The following NPAS3 variants were observed in gnomAD, a reference collection of about 807,000 sequenced individuals.
The protein encoded by NPAS3 is neuronal PAS domain-containing protein 3.
Under a neutral mutation model 73.1 loss-of-function variants are expected in NPAS3, and 14 were observed. The ratio of observed to expected loss-of-function variants is 0.19; its 90% CI spans 0.13 to 0.30. The LOEUF (loss-of-function observed/expected upper bound fraction) is 0.30. NPAS3 is among the 10% of genes least tolerant of loss of function. The pLI, the probability that NPAS3 is intolerant of heterozygous loss-of-function variation, is 1.00. For missense variants in NPAS3, 1,096 were observed against 1,250.0 expected, an observed-to-expected ratio of 0.88 and a Z score of 1.86; for synonymous variants, 620 against 541.5, an observed-to-expected ratio of 1.14 and a Z score of -2.01.
At chr14:33,019,392 A>AT (rs1168956675) in intron 1 of NPAS3, among the ~76,000 whole-genome samples, 1 of 152,142 alleles carries the variant, frequency 6.6e-6, no homozygotes, top group African/African-American at 2.4e-5. Flanking sequence ...TTAAGGCTTC[A>AT]TTTTTTTACC....
At chr14:33,047,080 A>G (rs2040534787) in intron 1 of NPAS3, among the ~76,000 whole-genome samples, 1 of 152,148 alleles carries the variant, frequency 6.6e-6, no homozygotes, top group Non-Finnish European at 1.5e-5. Context: ...AGAGCTGACT[A>G]TACAGAATTG....
intron 5 of NPAS3, among the ~76,000 whole-genome samples, chr14:33,660,025 T>C (rs996642149): frequency 3.3e-5 from 5 of 151,988 alleles, no homozygotes; most frequent in Non-Finnish European, 7.4e-5. Context: ...TTGTTCCACA[T>C]GGAAGAAATG....
chr14:32,987,007 AG>A (rs1299419746), intron 1 of NPAS3, among the ~76,000 whole-genome samples: 1 of 152,100 alleles, frequency 6.6e-6, no homozygotes, highest in Admixed American at 6.6e-5. Context: ...CCGGGAAGAG[AG>A]CGGTGTGCCT....
chr14:33,748,359 A>G (rs540092451), intron 7 of NPAS3, among the ~76,000 whole-genome samples: 1 of 152,176 alleles, frequency 6.6e-6, no homozygotes, highest in Non-Finnish European at 1.5e-5. Flanking sequence ...ATTCTATGAC[A>G]TATTTTTCAT....
At chr14:33,322,176 C>T (rs2043478274) in intron 3 of NPAS3, among the ~76,000 whole-genome samples, 1 of 152,172 alleles carries the variant, frequency 6.6e-6, no homozygotes, top group Non-Finnish European at 1.5e-5. Flanking sequence ...TGGACCAAGA[C>T]TGATGAAAAT....
chr14:33,618,822 T>C (rs1272630033), intron 5 of NPAS3, among the ~76,000 whole-genome samples: 1 of 152,220 alleles, frequency 6.6e-6, no homozygotes, highest in Non-Finnish European at 1.5e-5. Flanking sequence ...AGTTTTCTAG[T>C]AAGTGCAACT....
intron 4 of NPAS3, among the ~76,000 whole-genome samples, chr14:33,558,142 G>A (rs2055450968): frequency 6.6e-6 from 1 of 152,140 alleles, no homozygotes. Flanking sequence ...CTCTTTAGTG[G>A]AACAATATAA....
intron 5 of NPAS3, among the ~76,000 whole-genome samples, chr14:33,572,865 A>G (rs2056275032): frequency 6.6e-6 from 1 of 152,004 alleles, no homozygotes; most frequent in African/African-American, 2.4e-5. Context: ...TCTACTAAAA[A>G]TACAAAAATT....
chr14:33,359,294 G>A lies in NPAS3; in HGVS notation c.386-7892G>A, dbSNP rs116887805. Among the ~76,000 whole-genome samples the A allele has an allele frequency of 4.0e-3, 604 of 152,324 alleles. 1 individual carries two copies. The highest frequency in any genetic ancestry group is 5.4e-3 in the Non-Finnish European group (367 of 68,038). The stretch of plus-strand genomic sequence containing the variant: ...TAGGAAGGCCTAGAGGGTGAATGGA[G>A]CATTAGACTGGAAGTAATAAGGTTG... On this transcript the variant is annotated intron_variant, in intron 3 of 11. Transcript: ENST00000356141.
chr14:33,789,783 G>A (rs924881041), intron 9 of NPAS3, among the ~76,000 whole-genome samples: 9 of 150,678 alleles, frequency 6.0e-5, no homozygotes, highest in Non-Finnish European at 1.5e-5. Context: ...TAGAGACAGG[G>A]TTTCACCGTT....
chr14:33,000,353 G>A (rs1159477798), intron 1 of NPAS3, among the ~76,000 whole-genome samples: 2 of 152,098 alleles, frequency 1.3e-5, no homozygotes, highest in Non-Finnish European at 2.9e-5. Context: ...AGGTTGTTTA[G>A]CCACTGTGTT....
intron 1 of NPAS3, among the ~76,000 whole-genome samples, chr14:32,941,842 T>C (rs898393053): frequency 6.6e-6 from 1 of 152,200 alleles, no homozygotes; most frequent in Admixed American, 6.5e-5. Context: ...AACCGCAAAC[T>C]TGGTCCCTTA....
Position 33,215,163 on chromosome 14 carries a change from C to T in NPAS3, c.141-19C>T, listed in dbSNP as rs2139675709. The T allele has an allele frequency of 6.2e-7, 1 of 1,612,220 alleles. No homozygotes were observed. Among genetic ancestry groups the T allele is most frequent in the Non-Finnish European group, 8.5e-7 (1 of 1,178,668 alleles). ...AGTCACATATTCTAAACCACACATT[C>T]TCACTCCTTTGATTTCAGTTTACAA... On this transcript the variant is annotated intron_variant, in intron 2 of 11. Coordinates refer to ENST00000356141, the Ensembl canonical transcript of NPAS3.
At chr14:32,961,447 A>G (rs996122826) in intron 1 of NPAS3, among the ~76,000 whole-genome samples, 2 of 151,738 alleles carry the variant, frequency 1.3e-5, no homozygotes, top group East Asian at 1.9e-4. Flanking sequence ...TTGAATTCAT[A>G]TCGGATTGTA....
At chr14:33,199,797 T>G (rs1283861051) in intron 2 of NPAS3, among the ~76,000 whole-genome samples, 4 of 151,820 alleles carry the variant, frequency 2.6e-5, no homozygotes, top group African/African-American at 9.7e-5. Flanking sequence ...ACAGTAGGTT[T>G]AATTTCAGTA....
At chr14:33,735,273 A>T in exon 7 of NPAS3, 1 of 1,613,636 alleles carries the variant, frequency 6.2e-7, no homozygotes. Context: ...TTCCTTTTTC[A>T]TCCGAATGAA....
In NPAS3 at chr14:33,289,375, T is replaced by A. The variant is rs115445397; in HGVS notation, c.385+73949T>A. On this transcript the variant is annotated intron_variant, in intron 3 of 11. Transcript: ENST00000356141. ...CACACACATATAAAATTTGTTATCT[T>A]CTCCAGCCCTGCCAAAACATGGTGA... Among the ~76,000 whole-genome samples the A allele has an allele frequency of 5.3e-3, 804 of 152,278 alleles. 7 individuals are homozygous for A. Among genetic ancestry groups the A allele is most frequent in the African/African-American group, 0.018 (766 of 41,532 alleles).
chr14:33,591,046 C>T (rs2139942121), intron 5 of NPAS3, among the ~76,000 whole-genome samples: 1 of 152,320 alleles, frequency 6.6e-6, no homozygotes, highest in East Asian at 1.9e-4. Flanking sequence ...CTTCCTACCA[C>T]ACACGTTGTG....
chr14:33,627,766 ATTCCT>A (rs1484699675), intron 5 of NPAS3, among the ~76,000 whole-genome samples: 1 of 152,222 alleles, frequency 6.6e-6, no homozygotes, highest in Non-Finnish European at 1.5e-5. Flanking sequence ...TCCAAAACAA[ATTCCT>A]TTCACTATGC....
Sources: allele counts gnomAD v4.1 joint callset (sites outside exome capture counted in the v4.1 genomes callset), GRCh38; gene constraint gnomAD v4.1.1; transcripts MANE v1.5; gene names NCBI Gene and HGNC (gene_info 2026-07-23, HGNC 2026-07-21).